Variants in RPS6KA2 observed in about 807,000 individuals in gnomAD.
The protein encoded by RPS6KA2 is ribosomal protein S6 kinase A2, also known as ribosomal protein S6 kinase alpha-2.
A neutral mutation model predicts 91.8 loss-of-function variants in RPS6KA2; 42 were observed. That is an observed-to-expected ratio of 0.46 (90% CI 0.36 to 0.59). The LOEUF (loss-of-function observed/expected upper bound fraction) is 0.59. RPS6KA2 is among the 20% of genes least tolerant of loss of function. The pLI, the probability that RPS6KA2 is intolerant of heterozygous loss-of-function variation, is 0.00. For synonymous variants in RPS6KA2, 414 were observed against 393.6 expected (o/e 1.05, Z -0.61); for missense variants, 798 against 978.5 (o/e 0.82, Z 2.46).
At chr6:166,492,391 T>C (rs1192624466) in intron 8 of RPS6KA2, among the ~76,000 whole-genome samples, 1 of 152,216 alleles carries the variant, frequency 6.6e-6, no homozygotes, top group Non-Finnish European at 1.5e-5. Flanking sequence ...GACTGGCAGA[T>C]GAGCTGTTTG....
upstream of RPS6KA2, chr6:166,627,806 G>A (rs769276624): frequency 5.3e-5 from 8 of 152,240 alleles, no homozygotes; most frequent in African/African-American, 2.4e-5. Flanking sequence ...TGCACACTTT[G>A]TCATCATGTT....
chr6:166,658,788 G>A (rs750972282), intron 2 of RPS6KA2, among the ~76,000 whole-genome samples: 47 of 152,164 alleles, frequency 3.1e-4, no homozygotes, highest in Non-Finnish European at 5.3e-4. Context: ...ATTTAAGTCC[G>A]AGAAACTTAA....
At chr6:166,646,774 C>A (rs1787617428) in intron 2 of RPS6KA2, among the ~76,000 whole-genome samples, 1 of 152,238 alleles carries the variant, frequency 6.6e-6, no homozygotes, top group Admixed American at 6.5e-5. Flanking sequence ...GTCCTCACCC[C>A]TTTTGAATCT....
chr6:166,520,799 G>A (rs1399664253), intron 3 of RPS6KA2, among the ~76,000 whole-genome samples: 9 of 152,226 alleles, frequency 5.9e-5, no homozygotes, highest in Non-Finnish European at 1.3e-4. Flanking sequence ...AATCCTGAAT[G>A]CTGATAGGAA....
chr6:166,838,617 T>C (rs1313810739), intron 2 of RPS6KA2, among the ~76,000 whole-genome samples: 2 of 152,354 alleles, frequency 1.3e-5, no homozygotes, highest in Non-Finnish European at 2.9e-5. Context: ...AAATGTTACA[T>C]TGTATTATCA....
intron 2 of RPS6KA2, among the ~76,000 whole-genome samples, chr6:166,798,295 T>C (rs559457885): frequency 1.3e-5 from 2 of 152,348 alleles, no homozygotes; most frequent in Admixed American, 6.5e-5. Flanking sequence ...GCAGCCCAGC[T>C]CAGGGATGAG....
At chr6:166,668,394 G>A (rs1788379126) in intron 2 of RPS6KA2, among the ~76,000 whole-genome samples, 1 of 152,166 alleles carries the variant, frequency 6.6e-6, no homozygotes, top group South Asian at 2.1e-4. Flanking sequence ...CCACAAGAGC[G>A]TCAGACGTGA....
Position 166,418,413 on chromosome 6 carries a change from A to G in RPS6KA2, c.1821-71T>C, listed in dbSNP as rs1778613343. 1.8e-6 allele frequency: 2 copies of G among 1,141,044 alleles called. No homozygotes were observed. Among genetic ancestry groups the G allele is most frequent in the South Asian group, 1.2e-5 (1 of 80,380 alleles). 70.7% of individuals were successfully genotyped at this position (1,141,044 alleles called of 1,614,324 possible). A position where few individuals can be genotyped will look rare whatever the true frequency, so the allele number is the denominator to read the frequency against. ...CCTAAAATAAAGTTTGCAAGTTGAT[A>G]TCACCCCTTGGCTGTTCAAAGGAAT... On this transcript the variant is annotated intron_variant, in intron 18 of 20. Coordinates refer to ENST00000265678, the MANE Select transcript of RPS6KA2 (RefSeq NM_021135.6). The surrounding 1 kb of genome is among the most constrained non-coding windows in gnomAD (Gnocchi z 4.9).
intron 2 of RPS6KA2, among the ~76,000 whole-genome samples, chr6:166,833,210 G>C (rs1399837779): frequency 6.6e-6 from 1 of 152,218 alleles, no homozygotes. Context: ...CTCACAGCCA[G>C]GTGATCTGAT....
chr6:166,487,594 T>C (rs1781454810), intron 10 of RPS6KA2, among the ~76,000 whole-genome samples: 1 of 152,114 alleles, frequency 6.6e-6, no homozygotes, highest in South Asian at 2.1e-4. Context: ...GACATCTTTA[T>C]ATGAAGTAAA....
intron 8 of RPS6KA2, among the ~76,000 whole-genome samples, chr6:166,491,774 C>T (rs3817781): frequency 0.25 from 37,938 of 152,088 alleles, 5,864 homozygotes; most frequent in East Asian, 0.53. Context: ...ATTCCATTAC[C>T]CAAAGATATC....
chr6:166,543,301 T>G (rs1783718688), intron 1 of RPS6KA2, among the ~76,000 whole-genome samples: 1 of 152,316 alleles, frequency 6.6e-6, no homozygotes, highest in East Asian at 1.9e-4. Context: ...GTATGAATGT[T>G]CTATGTTGCC....
At chr6:166,838,644 T>C (rs555851720) in intron 2 of RPS6KA2, among the ~76,000 whole-genome samples, 97 of 152,330 alleles carry the variant, frequency 6.4e-4, no homozygotes, top group Non-Finnish European at 1.8e-4. Flanking sequence ...TACGTGTCAT[T>C]AATACACAGC....
intron 2 of RPS6KA2, among the ~76,000 whole-genome samples, chr6:166,766,421 GA>G (rs1381343855): frequency 2.6e-5 from 4 of 152,056 alleles, no homozygotes; most frequent in Non-Finnish European, 4.4e-5. Flanking sequence ...ATGAAGAAAA[GA>G]AAAAATACAT....
chr6:166,634,325 C>T (rs986093267), intron 2 of RPS6KA2, among the ~76,000 whole-genome samples: 1 of 152,152 alleles, frequency 6.6e-6, no homozygotes, highest in African/African-American at 2.4e-5. Context: ...TTGCCGCAGA[C>T]CCACGGGCTG....
chr6:166,717,731 C>T (rs373871021), intron 2 of RPS6KA2, among the ~76,000 whole-genome samples: 3 of 152,192 alleles, frequency 2.0e-5, no homozygotes, highest in Admixed American at 2.0e-4. Flanking sequence ...GCTGAAATGA[C>T]CCAGAAATTT....
intron 2 of RPS6KA2, among the ~76,000 whole-genome samples, chr6:166,638,709 G>C (rs753849587): frequency 5.9e-5 from 9 of 152,140 alleles, no homozygotes; most frequent in Non-Finnish European, 1.2e-4. Context: ...GTAGAGGATG[G>C]GTCCCAGGGG....
chr6:166,487,928 G>A (rs1781463631), intron 10 of RPS6KA2, among the ~76,000 whole-genome samples: 1 of 152,166 alleles, frequency 6.6e-6, no homozygotes, highest in Admixed American at 6.5e-5. Flanking sequence ...AAAGTTCCCT[G>A]CAATGGAAGC....
chr6:166,755,993 A>G (rs1279791131), intron 2 of RPS6KA2, among the ~76,000 whole-genome samples: 1 of 152,188 alleles, frequency 6.6e-6, no homozygotes, highest in Non-Finnish European at 1.5e-5. Flanking sequence ...ATTTAAAATA[A>G]TATTATTTCA....
Sources: gnomAD v4.1 joint callset for allele counts (sites outside exome capture counted in the v4.1 genomes callset) on GRCh38, gnomAD v4.1.1 for gene constraint, Gnocchi (gnomAD v3.1) non-coding constraint, MANE v1.5 for transcripts, NCBI Gene and HGNC (gene_info 2026-07-23, HGNC 2026-07-21) for gene names.